The following CAMK4 variants were observed in gnomAD, a reference collection of about 807,000 sequenced individuals.
CAMK4 encodes calcium/calmodulin-dependent protein kinase type IV.
Under a neutral mutation model 44.9 loss-of-function variants are expected in CAMK4, and 22 were observed. The observed-to-expected ratio is 0.49, with a 90% CI of 0.35 to 0.70. CAMK4 has a LOEUF of 0.70. Ranked by LOEUF, CAMK4 falls within the 30% of genes least tolerant of loss-of-function variation. The pLI, the probability that CAMK4 is intolerant of heterozygous loss-of-function variation, is 0.01. For synonymous variants in CAMK4, 218 were observed against 215.4 expected, an observed-to-expected ratio of 1.01 and a Z score of -0.11; for missense variants, 498 against 586.8, an observed-to-expected ratio of 0.85 and a Z score of 1.56.
intron 2 of CAMK4, among the ~76,000 whole-genome samples, chr5:111,344,716 C>G (rs564489234): frequency 3.4e-4 from 51 of 151,634 alleles, no homozygotes; most frequent in African/African-American, 1.0e-3. Flanking sequence ...CTTCTTTTGC[C>G]CTACACTCAT....
intron 1 of CAMK4, among the ~76,000 whole-genome samples, chr5:111,334,182 A>C (rs896180232): frequency 2.0e-5 from 3 of 151,532 alleles, no homozygotes; most frequent in Non-Finnish European, 4.4e-5. Context: ...GTAATATTTA[A>C]CTGACTTGGG....
intron 1 of CAMK4, among the ~76,000 whole-genome samples, chr5:111,329,825 A>C (rs1418324294): frequency 6.6e-6 from 1 of 151,778 alleles, no homozygotes; most frequent in Non-Finnish European, 1.5e-5. Context: ...GCAAAGTAAG[A>C]AAGAAAGGGA....
intron 1 of CAMK4, among the ~76,000 whole-genome samples, chr5:111,317,029 C>A (rs530303236): frequency 6.6e-6 from 1 of 151,656 alleles, no homozygotes; most frequent in Non-Finnish European, 1.5e-5. Context: ...TGTTTTTGAC[C>A]CAAAAACAGA....
intron 7 of CAMK4, among the ~76,000 whole-genome samples, chr5:111,467,905 T>C (rs988215522): frequency 4.7e-5 from 7 of 149,300 alleles, no homozygotes; most frequent in African/African-American, 1.7e-4. Context: ...CCCAAATGGC[T>C]ATCAATCAGT....
intron 5 of CAMK4, among the ~76,000 whole-genome samples, chr5:111,437,378 A>T (rs1176524149): frequency 3.3e-5 from 5 of 152,218 alleles, no homozygotes; most frequent in African/African-American, 1.2e-4. Flanking sequence ...TCTATAGGAA[A>T]ATTGAGTTAT....
chr5:111,317,165 A>G lies in CAMK4; in HGVS notation c.162-26859A>G, dbSNP rs77237544. ...TAAATATTAATGCATCTGATAAGAA[A>G]CAAGTGCTAGGAGACTTTCTTCCCA... On this transcript the variant is annotated intron_variant, in intron 1 of 10. Transcript: ENST00000282356. Among the ~76,000 whole-genome samples, 300 of 152,282 alleles carry G rather than the reference A, an allele frequency of 2.0e-3. 1 individual carries two copies. Among genetic ancestry groups the G allele is most frequent in the African/African-American group, 6.8e-3 (283 of 41,564 alleles).
intron 5 of CAMK4, among the ~76,000 whole-genome samples, chr5:111,404,060 C>G (rs765865377): frequency 2.6e-5 from 4 of 152,138 alleles, no homozygotes; most frequent in Non-Finnish European, 4.4e-5. Flanking sequence ...GCAGCAGAGC[C>G]TATTAGCAGG....
rs867242034 is a variant in CAMK4, at chr5:111,489,646, C to T, written c.*5180C>T. On this transcript the variant is annotated 3_prime_UTR_variant, in exon 11 of 11. Coordinates refer to ENST00000282356, the MANE Select transcript of CAMK4 (RefSeq NM_001744.6). ...GAGAAAGTGAACTGTCTTACTCCTT[C>T]AAAGGAATCAGATGTTGCTCTAGAG... is the stretch of plus-strand genomic sequence containing the variant. The T allele has an allele frequency of 1.3e-5, 2 of 152,180 alleles. No individual in the cohort carries two copies. Among genetic ancestry groups the T allele is most frequent in the African/African-American group, 2.4e-5 (1 of 41,434 alleles). The allele number at this position is 152,180 out of a possible 1,614,324, so 9.4% of individuals were successfully genotyped here.
At position 111,339,394 on chromosome 5, in the gene CAMK4, G is replaced by T. The variant is rs762180770; in HGVS notation, c.162-4630G>T. 3.3e-4 allele frequency among the ~76,000 whole-genome samples: 50 copies of T among 151,280 alleles called. 1 individual carries two copies. Among genetic ancestry groups the T allele is most frequent in the Middle Eastern group, 3.4e-3 (1 of 294 alleles). ...ATTTGTATTTAATTCATTTTGAGTT[G>T]ATCTTTGTAAATGGTGTGAGATAAG... On this transcript the variant is annotated intron_variant, in intron 1 of 10. Transcript: ENST00000282356.
At chr5:111,306,785 T>C (rs1255138947) in intron 1 of CAMK4, among the ~76,000 whole-genome samples, 2 of 46,958 alleles carry the variant, frequency 4.3e-5, no homozygotes, top group African/African-American at 9.2e-5. Flanking sequence ...GAGCCCGCAT[T>C]GCCAAGTCAA....
At chr5:111,371,148 C>G (rs563103212) in intron 2 of CAMK4, among the ~76,000 whole-genome samples, 2 of 152,204 alleles carry the variant, frequency 1.3e-5, no homozygotes, top group South Asian at 4.1e-4. Context: ...TCTATTACCT[C>G]CTAGACCATG....
intron 1 of CAMK4, among the ~76,000 whole-genome samples, chr5:111,292,595 A>G (rs1349796693): frequency 1.3e-5 from 2 of 151,984 alleles, no homozygotes; most frequent in African/African-American, 4.8e-5. Flanking sequence ...GTCCTCCCTT[A>G]GCCTTTTTTT....
intron 3 of CAMK4, 55 bp from the exon 4 acceptor site, chr5:111,376,805 C>T: frequency 9.1e-7 from 1 of 1,094,708 alleles, no homozygotes; most frequent in Non-Finnish European, 1.4e-6. Context: ...TAGCTATTTC[C>T]AAGAAAGATG....
At chr5:111,252,922 A>C (rs1749573955) in intron 1 of CAMK4, among the ~76,000 whole-genome samples, 1 of 152,234 alleles carries the variant, frequency 6.6e-6, no homozygotes, top group Admixed American at 6.5e-5. Context: ...AGCAATAGCA[A>C]GTGATGCTAC....
chr5:111,286,480 A>G (rs2112615528), intron 1 of CAMK4, among the ~76,000 whole-genome samples: 1 of 152,280 alleles, frequency 6.6e-6, no homozygotes, highest in African/African-American at 2.4e-5. Context: ...GCTTTTACAT[A>G]ATTTATTCCA....
intron 7 of CAMK4, among the ~76,000 whole-genome samples, chr5:111,467,647 A>G (rs551165902): frequency 3.3e-5 from 5 of 152,198 alleles, no homozygotes; most frequent in South Asian, 2.1e-4. Flanking sequence ...CAACACCGCA[A>G]TGCAATGCCA....
chr5:111,371,963 G>A (rs1030858816), intron 2 of CAMK4, among the ~76,000 whole-genome samples: 21 of 152,146 alleles, frequency 1.4e-4, no homozygotes, highest in African/African-American at 4.3e-4. Flanking sequence ...TGCTAGGTTC[G>A]TTCACCAGCT....
chr5:111,331,054 G>T (rs1050768511), intron 1 of CAMK4, among the ~76,000 whole-genome samples: 2 of 151,562 alleles, frequency 1.3e-5, no homozygotes, highest in African/African-American at 4.8e-5. Context: ...ATGACTTGAG[G>T]ATGAGCAATG....
intron 5 of CAMK4, among the ~76,000 whole-genome samples, chr5:111,419,935 T>C (rs1752962289): frequency 6.6e-6 from 1 of 152,196 alleles, no homozygotes; most frequent in African/African-American, 2.4e-5. Flanking sequence ...GGGCTCTTTT[T>C]TGGTTCCATA....
Sources: gnomAD v4.1 joint callset for allele counts (sites outside exome capture counted in the v4.1 genomes callset) on GRCh38, gnomAD v4.1.1 for gene constraint, MANE v1.5 for transcripts, NCBI Gene and HGNC (gene_info 2026-07-23, HGNC 2026-07-21) for gene names.